PCDHA1: variants seen among roughly 807,000 people sequenced by gnomAD.
The protein encoded by PCDHA1 is protocadherin alpha-1.
A neutral mutation model predicts 61.3 loss-of-function variants in PCDHA1; 42 were observed. That is an observed-to-expected ratio of 0.69 (90% CI 0.54 to 0.89). PCDHA1 has a LOEUF of 0.89. Among genes scored for constraint, PCDHA1 ranks in the 40% least tolerant of loss-of-function variants. The pLI, the probability that PCDHA1 is intolerant of heterozygous loss-of-function variation, is 0.00. For synonymous variants in PCDHA1, 610 were observed against 553.8 expected, an observed-to-expected ratio of 1.10 and a Z score of -1.43; for missense variants, 1,256 against 1,235.3, an observed-to-expected ratio of 1.02 and a Z score of -0.25.
chr5:140,851,003 GA>G (rs2041919886), intron 1 of PCDHA1: 1 of 1,437,650 alleles, frequency 7.0e-7, no homozygotes. Flanking sequence ...AAATCCAGCA[GA>G]TTTTTTTTCT....
chr5:140,870,825 C>A (rs1554164734), intron 1 of PCDHA1: 6 of 1,613,726 alleles, frequency 3.7e-6, no homozygotes, highest in East Asian at 2.2e-5. Flanking sequence ...GCGCGGGAGG[C>A]GCAGTTAACA....
intron 1 of PCDHA1, chr5:140,836,038 A>T: frequency 1.2e-6 from 2 of 1,613,428 alleles, no homozygotes; most frequent in Non-Finnish European, 1.7e-6. Flanking sequence ...GTGACGCTGC[A>T]GGTGTTCGTG....
At chr5:140,977,730 T>C (rs1478978176) in intron 1 of PCDHA1, among the ~76,000 whole-genome samples, 1 of 152,226 alleles carries the variant, frequency 6.6e-6, no homozygotes, top group Non-Finnish European at 1.5e-5. Flanking sequence ...ATTTCTCTCC[T>C]GGGTGTTATG....
At position 140,947,211 on chromosome 5, in the gene PCDHA1, T is replaced by A. The variant is rs562676640; in HGVS notation, c.2395-31738T>A. Among the ~76,000 whole-genome samples, 51 of 151,298 alleles carry A rather than the reference T, an allele frequency of 3.4e-4. 1 individual carries two copies. In the South Asian group the frequency reaches 0.011, roughly 32 times the overall value. On this transcript the variant is annotated intron_variant, in intron 1 of 3. Transcript: ENST00000504120. ...ACTACACAGCCTTAAAAAAAGAAAA[T>A]CCTGTCATTTATGACAGGAAAAAAA...
chr5:140,820,258 A>G (rs920321259), intron 1 of PCDHA1, among the ~76,000 whole-genome samples: 1 of 151,990 alleles, frequency 6.6e-6, no homozygotes, highest in African/African-American at 2.4e-5. Context: ...TTATAAGGGA[A>G]CTGGTAAATA....
rs2150184699 is a variant in PCDHA1, at chr5:140,830,304, C to G, written c.2394+41620C>G. On this transcript the variant is annotated intron_variant, in intron 1 of 3. Transcript: ENST00000504120. ...GGCGCGTGCACGGCGGACAAGCCCA[C>G]GCTGGTGTGCTCCAGCGCAGTGGGG... is the stretch of plus-strand genomic sequence containing the variant. 14 of 1,613,942 alleles carry G rather than the reference C, an allele frequency of 8.7e-6. No individual in the cohort carries two copies. Among genetic ancestry groups the G allele is most frequent in the Non-Finnish European group, 1.1e-5 (13 of 1,179,908 alleles).
In PCDHA1 at chr5:140,820,736, T is replaced by A. The variant is rs184348136; in HGVS notation, c.2394+32052T>A. ...TATTTACTGGAACCTAAACATTTTG[T>A]GAAATAGTATGTCATATAGACAATA... On this transcript the variant is annotated intron_variant, in intron 1 of 3. Transcript: ENST00000504120. 1.5e-3 allele frequency among the ~76,000 whole-genome samples: 225 copies of A among 152,168 alleles called. 1 individual carries two copies. The highest frequency in any genetic ancestry group is 2.8e-3 in the Non-Finnish European group (192 of 67,898).
intron 3 of PCDHA1, among the ~76,000 whole-genome samples, chr5:141,003,650 A>G (rs2098132767): frequency 6.6e-6 from 1 of 152,170 alleles, no homozygotes; most frequent in Admixed American, 6.5e-5. Flanking sequence ...GAAGATCTGT[A>G]TGCATTTATT....
At chr5:140,811,257 T>G (rs1002878991) in intron 1 of PCDHA1, 9 of 152,306 alleles carry the variant, frequency 5.9e-5, no homozygotes, top group African/African-American at 2.2e-4. Flanking sequence ...GAACATGCAG[T>G]GTTTGGTTTT....
intron 1 of PCDHA1, among the ~76,000 whole-genome samples, chr5:140,904,640 C>T (rs1484010152): frequency 6.6e-6 from 1 of 152,046 alleles, no homozygotes; most frequent in Non-Finnish European, 1.5e-5. Flanking sequence ...GGAATCTCCA[C>T]ACTGTTTTCC....
At chr5:140,824,425 C>T (rs1768118879) in intron 1 of PCDHA1, 1 of 502,786 alleles carries the variant, frequency 2.0e-6, no homozygotes, top group Non-Finnish European at 3.5e-6. Flanking sequence ...TGGAGTCATT[C>T]TCAAAGTTTC....
chr5:140,851,536 A>G, intron 1 of PCDHA1: 1 of 906,554 alleles, frequency 1.1e-6, no homozygotes, highest in African/African-American at 1.8e-5. Context: ...GACAATGTAG[A>G]TAATTCAAGA....
intron 1 of PCDHA1, chr5:140,859,217 C>T (rs1409192343): frequency 6.7e-6 from 1 of 149,754 alleles, no homozygotes; most frequent in South Asian, 2.1e-4. Context: ...AGCTCTTTCA[C>T]TTTAAGGAAG....
At chr5:141,005,285 A>T (rs1285354488) in intron 3 of PCDHA1, among the ~76,000 whole-genome samples, 1 of 152,218 alleles carries the variant, frequency 6.6e-6, no homozygotes, top group Non-Finnish European at 1.5e-5. Context: ...ATAAACAGAT[A>T]CATTTTTTGC....
chr5:140,796,301 C>G, intron 1 of PCDHA1: 1 of 1,614,120 alleles, frequency 6.2e-7, no homozygotes, highest in Non-Finnish European at 8.5e-7. Context: ...ATCGAGGTGG[C>G]CGACGTGAAC....
At chr5:140,900,498 A>G (rs1554189212) in intron 1 of PCDHA1, among the ~76,000 whole-genome samples, 1 of 152,172 alleles carries the variant, frequency 6.6e-6, no homozygotes, top group Non-Finnish European at 1.5e-5. Context: ...ACTGGTCTCA[A>G]ATTCCCAGCC....
At chr5:140,918,816 A>C (rs1178287306) in intron 1 of PCDHA1, among the ~76,000 whole-genome samples, 1 of 62,452 alleles carries the variant, frequency 1.6e-5, no homozygotes, top group Admixed American at 1.3e-4. Context: ...ATGAACCAAA[A>C]AGTGGCCCCC....
chr5:140,895,614 A>T (rs185386474), intron 1 of PCDHA1, among the ~76,000 whole-genome samples: 101 of 152,212 alleles, frequency 6.6e-4, no homozygotes, highest in African/African-American at 2.4e-3. Context: ...TTTCTCATTG[A>T]GGGTGTTGTC....
intron 1 of PCDHA1, chr5:140,796,668 T>C (rs782184651): frequency 2.5e-6 from 4 of 1,613,754 alleles, no homozygotes; most frequent in Admixed American, 3.3e-5. Flanking sequence ...TGTTGGCGCC[T>C]AGGGCTGGCA....
Sources: allele counts gnomAD v4.1 joint callset (sites outside exome capture counted in the v4.1 genomes callset), GRCh38; gene constraint gnomAD v4.1.1; transcripts MANE v1.5; gene names NCBI Gene and HGNC (gene_info 2026-07-23, HGNC 2026-07-21).